The following PLEKHH2 variants were observed in gnomAD, a reference collection of about 807,000 sequenced individuals.
PLEKHH2 encodes the protein pleckstrin homology domain-containing family H member 2.
Under a neutral mutation model 187.9 loss-of-function variants are expected in PLEKHH2, and 129 were observed. The ratio of observed to expected loss-of-function variants is 0.69; its 90% CI spans 0.59 to 0.79. PLEKHH2 has a LOEUF of 0.79. Ranked by LOEUF, PLEKHH2 falls within the 30% of genes least tolerant of loss-of-function variation. PLEKHH2 has a pLI of 0.00. For missense variants in PLEKHH2, 2,076 were observed against 1,751.2 expected, an observed-to-expected ratio of 1.19 and a Z score of -3.31; for synonymous variants, 686 against 605.6, an observed-to-expected ratio of 1.13 and a Z score of -1.95.
chr2:43,727,052 G>T (rs1371529457), intron 17 of PLEKHH2, among the ~76,000 whole-genome samples: 1 of 150,142 alleles, frequency 6.7e-6, no homozygotes, highest in Non-Finnish European at 1.5e-5. Context: ...AGAGTTAAAA[G>T]AATTCAATGA....
chr2:43,650,166 T>TTTC (rs752924347), intron 2 of PLEKHH2, among the ~76,000 whole-genome samples: 81 of 133,050 alleles, frequency 6.1e-4, no homozygotes, highest in Middle Eastern at 4.5e-3. Flanking sequence ...TTTTTTTTTT[T>TTTC]CTGAGATGGA....
chr2:43,764,039 A>T (rs1478428635), intron 28 of PLEKHH2, among the ~76,000 whole-genome samples, 189 bp from the exon 29 acceptor site: 1 of 152,168 alleles, frequency 6.6e-6, no homozygotes, highest in East Asian at 1.9e-4. Context: ...AAGGTAGATG[A>T]TGCCTAAATA....
At chr2:43,680,463 C>T (rs934438937) in intron 3 of PLEKHH2, 3 of 157,364 alleles carry the variant, frequency 1.9e-5, no homozygotes, top group African/African-American at 7.2e-5. Context: ...ATTATTTCTC[C>T]TAAGAAGTGC....
intron 3 of PLEKHH2, chr2:43,681,239 T>C: frequency 1.5e-6 from 1 of 657,510 alleles, no homozygotes; most frequent in Admixed American, 2.8e-5. Context: ...AGCGATCTTT[T>C]TTCCAATTAC....
intron 16 of PLEKHH2, among the ~76,000 whole-genome samples, chr2:43,722,089 TAA>T (rs780880178): frequency 1.5e-4 from 19 of 128,186 alleles, no homozygotes; most frequent in African/African-American, 8.6e-5. Flanking sequence ...TAGTCTCTAC[TAA>T]AAAAAAAAAA....
chr2:43,676,277 CA>C, intron 2 of PLEKHH2: 1 of 1,613,428 alleles, frequency 6.2e-7, no homozygotes, highest in Non-Finnish European at 8.5e-7. Flanking sequence ...GAAATGCTCC[CA>C]AGCAACATAC....
chr2:43,742,682 A>T, intron 21 of PLEKHH2, 59 bp from the exon 22 acceptor site: 1 of 1,272,986 alleles, frequency 7.9e-7, no homozygotes, highest in Non-Finnish European at 1.1e-6. Flanking sequence ...TAATGGTTGC[A>T]CATATTAGGT....
At chr2:43,711,467 C>T (rs1669962530) in intron 14 of PLEKHH2, 2 of 963,426 alleles carry the variant, frequency 2.1e-6, no homozygotes, top group Admixed American at 1.2e-4. Context: ...AATAATTTAT[C>T]TTCTTATATG....
intron 10 of PLEKHH2, among the ~76,000 whole-genome samples, chr2:43,706,752 A>T (rs1165964054): frequency 1.3e-5 from 2 of 152,126 alleles, no homozygotes; most frequent in Non-Finnish European, 2.9e-5. Context: ...GTGCCAGGGT[A>T]CCCCTTCCTT....
At chr2:43,681,553 C>G (rs575002428) in intron 3 of PLEKHH2, 6 of 1,248,548 alleles carry the variant, frequency 4.8e-6, no homozygotes, top group Non-Finnish European at 6.9e-6. Context: ...GAAAGACTCA[C>G]TTCTGTGGGC....
chr2:43,731,983 A>C (rs1197148070), intron 19 of PLEKHH2, among the ~76,000 whole-genome samples: 1 of 152,186 alleles, frequency 6.6e-6, no homozygotes, highest in Non-Finnish European at 1.5e-5. Context: ...CTCTATTAGA[A>C]ATCCCTAATC....
intron 2 of PLEKHH2, among the ~76,000 whole-genome samples, chr2:43,645,705 C>A (rs1398938067): frequency 6.6e-6 from 1 of 151,622 alleles, no homozygotes; most frequent in South Asian, 2.1e-4. Flanking sequence ...TTAATTTTAC[C>A]CACTTCTTTT....
intron 14 of PLEKHH2, 143 bp downstream of exon 14, chr2:43,710,718 G>T: frequency 7.0e-7 from 1 of 1,428,386 alleles, no homozygotes. Flanking sequence ...TTGGAAGTAT[G>T]TGAAACTCCA....
intron 4 of PLEKHH2, among the ~76,000 whole-genome samples, chr2:43,693,209 G>A (rs533784771): frequency 6.6e-6 from 1 of 152,272 alleles, no homozygotes; most frequent in Admixed American, 6.5e-5. Context: ...ACAGGCATGA[G>A]CCACCATGCC....
chr2:43,677,959 G>A (rs1195894720), intron 2 of PLEKHH2, among the ~76,000 whole-genome samples: 4 of 150,912 alleles, frequency 2.7e-5, no homozygotes, highest in African/African-American at 9.8e-5. Context: ...CAGACGGGGC[G>A]GCTGCCGGGC....
chr2:43,739,108 C>T (rs1232231219), intron 20 of PLEKHH2, among the ~76,000 whole-genome samples: 1 of 152,150 alleles, frequency 6.6e-6, no homozygotes, highest in Non-Finnish European at 1.5e-5. Context: ...TCAGGCTGGC[C>T]TCGAACTCCT....
intron 21 of PLEKHH2, chr2:43,741,350 CTATTT>C (rs1248250605): frequency 1.1e-5 from 2 of 178,570 alleles, no homozygotes; most frequent in African/African-American, 4.7e-5. Context: ...ATAAAAGCAA[CTATTT>C]TGTTTCCTTA....
rs563308660 is a variant in PLEKHH2 at position 43,643,495 on chromosome 2, G to T, written c.-3-1176G>T. On this transcript the variant is annotated intron_variant, in intron 1 of 29. Coordinates refer to ENST00000282406, the MANE Select transcript of PLEKHH2 (RefSeq NM_172069.4). Reference sequence around the variant, plus strand: ...TTCATGCTAGGAAAATAATCTTTTAGTGGGTTTTTAGCAGCATAAAGTTTT... The same window carrying T: ...TTCATGCTAGGAAAATAATCTTTTATTGGGTTTTTAGCAGCATAAAGTTTT... Among the ~76,000 whole-genome samples, 3 of 152,200 alleles carry T rather than the reference G, an allele frequency of 2.0e-5. No homozygotes were observed. The South Asian group carries it at 6.2e-4, about 32-fold the overall frequency.
intron 19 of PLEKHH2, among the ~76,000 whole-genome samples, chr2:43,735,778 T>A (rs1671263458): frequency 6.6e-6 from 1 of 152,208 alleles, no homozygotes; most frequent in African/African-American, 2.4e-5. Context: ...TTCTAGGAAA[T>A]CAAGGATGGC....
Sources: allele counts gnomAD v4.1 joint callset (sites outside exome capture counted in the v4.1 genomes callset), GRCh38; gene constraint gnomAD v4.1.1; transcripts MANE v1.5; gene names NCBI Gene and HGNC (gene_info 2026-07-23, HGNC 2026-07-21).